Variants in MEGF11 observed in about 807,000 individuals in gnomAD.
The protein encoded by MEGF11 is multiple epidermal growth factor-like domains protein 11.
MEGF11 carries 126 observed loss-of-function variants against 146.6 expected under a neutral mutation model. The ratio of observed to expected loss-of-function variants is 0.86; its 90% CI spans 0.74 to 1.00. The LOEUF (loss-of-function observed/expected upper bound fraction) is 1.00, where lower values mean the gene tolerates loss of function less well. Ranked by LOEUF, MEGF11 falls within the 50% of genes least tolerant of loss-of-function variation. MEGF11 has a pLI of 0.00. For missense variants in MEGF11, 1,509 were observed against 1,521.2 expected, an observed-to-expected ratio of 0.99 and a Z score of 0.13; for synonymous variants, 532 against 583.4, an observed-to-expected ratio of 0.91 and a Z score of 1.27.
At chr15:66,176,334 T>C (rs183390263) in intron 1 of MEGF11, among the ~76,000 whole-genome samples, 259 of 152,064 alleles carry the variant, frequency 1.7e-3, no homozygotes, top group African/African-American at 6.1e-3. Context: ...AGGAAATCAG[T>C]ATGTTGAAGA....
chr15:66,028,023 T>C (rs868134684), intron 5 of MEGF11, among the ~76,000 whole-genome samples: 3 of 152,214 alleles, frequency 2.0e-5, no homozygotes, highest in Admixed American at 6.5e-5. Flanking sequence ...TGCAAGGTGC[T>C]CTGACAACTG....
Position 65,909,040 on chromosome 15 carries a change from A to G in MEGF11, c.2992T>C (p.Ser998Pro). ...GGTAGGGCTGGGGTCTGACCTGGTG[A>G]GTGTGGCTCAGCGGGGCGGCTGAGG... ...RHLSRPAEPHSPGACGMDRRQ... is the reference protein window; with the variant it reads ...RHLSRPAEPHPPGACGMDRRQ... Residue 998 changes from serine (S) to proline (P), a missense_variant, in exon 23 of 26, where the codon TCA (serine) becomes CCA (proline). By Grantham distance (74) the Ser-to-Pro change is moderately conservative. Transcript: ENST00000395614. 1 of 1,534,518 alleles carries G rather than the reference A, an allele frequency of 6.5e-7. No individual in the cohort carries two copies. Among genetic ancestry groups the G allele is most frequent in the Admixed American group, 2.0e-5 (1 of 50,944 alleles).
In MEGF11 at chr15:66,250,505, C is replaced by T. The variant is rs149559742; in HGVS notation, c.-9+3100G>A. Among the ~76,000 whole-genome samples the T allele has an allele frequency of 1.5e-3, 235 of 152,314 alleles. 1 individual carries two copies. Among genetic ancestry groups the T allele is most frequent in the African/African-American group, 5.5e-3 (229 of 41,572 alleles). ...CTGATTCATTGCTGTATCCCAAGGG[C>T]CTAGTCCAGTGCCTGGCACAAAGAA... On this transcript the variant is annotated intron_variant, in intron 1 of 25. Transcript: ENST00000395614.
chr15:66,091,618 G>A (rs540492106), intron 5 of MEGF11, among the ~76,000 whole-genome samples: 5 of 152,164 alleles, frequency 3.3e-5, no homozygotes, highest in South Asian at 2.1e-4. Flanking sequence ...TGTAAAATGG[G>A]GATAAATAAC....
intron 4 of MEGF11, among the ~76,000 whole-genome samples, chr15:66,112,461 C>A (rs2087478421): frequency 6.6e-6 from 1 of 152,028 alleles, no homozygotes; most frequent in South Asian, 2.1e-4. Flanking sequence ...GATAAAGAGA[C>A]TGAAAATGAG....
intron 5 of MEGF11, among the ~76,000 whole-genome samples, chr15:66,044,117 G>C (rs1174305366): frequency 6.6e-6 from 1 of 152,168 alleles, no homozygotes; most frequent in African/African-American, 2.4e-5. Context: ...AGGAAACCTC[G>C]ACCCTTGGGG....
At chr15:66,242,731 C>T (rs778852063) in intron 1 of MEGF11, among the ~76,000 whole-genome samples, 1 of 152,150 alleles carries the variant, frequency 6.6e-6, no homozygotes, top group Non-Finnish European at 1.5e-5. Context: ...CTGTCAACTC[C>T]TTCCTCTTCC....
At position 66,025,389 on chromosome 15, in the gene MEGF11, C is replaced by CAGGGAGG. The variant is rs887123729; in HGVS notation, c.395-42908_395-42902dup. Among the ~76,000 whole-genome samples the CAGGGAGG allele has an allele frequency of 2.0e-5, 3 of 152,084 alleles. No individual in the cohort carries two copies. In the South Asian group the frequency reaches 6.2e-4, roughly 32 times the overall value. On this transcript the variant is annotated intron_variant, in intron 5 of 25. Coordinates refer to ENST00000395614, the MANE Select transcript of MEGF11 (RefSeq NM_001385028.1). ...GCTGGGCCCCTCAGTCAGCCTGAGGCAGGGAGGAGGGAGGAGGGAGAGGGG... is the reference window on the plus strand; with the variant it reads ...GCTGGGCCCCTCAGTCAGCCTGAGGCAGGGAGGAGGGAGGAGGGAGGAGGGAGAGGGG...
chr15:66,158,518 G>A (rs2089844032), intron 1 of MEGF11, among the ~76,000 whole-genome samples: 1 of 152,212 alleles, frequency 6.6e-6, no homozygotes, highest in African/African-American at 2.4e-5. Flanking sequence ...GGCACAGACA[G>A]CCCTGTGCAC....
chr15:65,967,466 C>A (rs1486815242), intron 8 of MEGF11, among the ~76,000 whole-genome samples: 9 of 152,124 alleles, frequency 5.9e-5, no homozygotes, highest in African/African-American at 2.2e-4. Context: ...GCTCTAACTT[C>A]TTTATTATGT....
chr15:66,017,708 C>T lies in MEGF11; in HGVS notation c.395-35220G>A, dbSNP rs925760835. Among the ~76,000 whole-genome samples, 5 of 152,326 alleles carry T rather than the reference C, an allele frequency of 3.3e-5. No homozygotes were observed. In the East Asian group the frequency reaches 9.6e-4, roughly 29 times the overall value. On this transcript the variant is annotated intron_variant, in intron 5 of 25. Transcript: ENST00000395614. ...GGTCTGAGAAGCCGAAGCCCAGAGG[C>T]TATTTGCTGATGTCTTTGCTCCAGG...
At chr15:66,088,808 G>A (rs2086212796) in intron 5 of MEGF11, among the ~76,000 whole-genome samples, 1 of 152,162 alleles carries the variant, frequency 6.6e-6, no homozygotes, top group Admixed American at 6.5e-5. Context: ...GAGACAGAAA[G>A]CAGATTGTTG....
chr15:66,122,876 G>A (rs982353090), intron 3 of MEGF11, among the ~76,000 whole-genome samples: 5 of 151,968 alleles, frequency 3.3e-5, no homozygotes, highest in African/African-American at 1.2e-4. Flanking sequence ...CCTGAATGGC[G>A]GAGTTCATGC....
intron 4 of MEGF11, among the ~76,000 whole-genome samples, chr15:66,101,263 C>T (rs1239312406): frequency 2.0e-5 from 3 of 152,124 alleles, no homozygotes; most frequent in African/African-American, 7.2e-5. Context: ...ACTTCTCCAG[C>T]CTGCCGCTCC....
In MEGF11 at chr15:66,224,516, G is replaced by A. The variant is rs181338262; in HGVS notation, c.-9+29089C>T. Among the ~76,000 whole-genome samples the A allele has an allele frequency of 8.0e-3, 1,207 of 151,330 alleles. 19 individuals carry two copies. The highest frequency in any genetic ancestry group is 0.028 in the African/African-American group (1,152 of 41,234). On this transcript the variant is annotated intron_variant, in intron 1 of 25. Transcript: ENST00000395614. ...AGAGAATCACTTGAACCCGGGAGGC[G>A]GAGTTTGCAGTGAGCCAAGATGGCG...
At chr15:65,919,937 A>G (rs968503104) in intron 15 of MEGF11, among the ~76,000 whole-genome samples, 1 of 152,214 alleles carries the variant, frequency 6.6e-6, no homozygotes, top group East Asian at 1.9e-4. Context: ...AAACAAAACA[A>G]AAAACAACAA....
rs74021614 is a variant in MEGF11, at chr15:66,114,905, C to T, written c.301+4181G>A. On this transcript the variant is annotated intron_variant, in intron 4 of 25. Coordinates refer to ENST00000395614, the MANE Select transcript of MEGF11 (RefSeq NM_001385028.1). ...AGTGCCCCCCTGCATCTGTATTGAG[C>T]TCTGTGTTTTCCAGGACACTCTGGG... is the stretch of plus-strand genomic sequence containing the variant. Among the ~76,000 whole-genome samples the T allele has an allele frequency of 8.2e-3, 1,255 of 152,326 alleles. 15 individuals are homozygous for T. The highest frequency in any genetic ancestry group is 0.029 in the African/African-American group (1,214 of 41,568).
intron 5 of MEGF11, among the ~76,000 whole-genome samples, chr15:66,039,672 C>A (rs2083872424): frequency 6.6e-6 from 1 of 152,184 alleles, no homozygotes; most frequent in African/African-American, 2.4e-5. Context: ...CGGACTACAT[C>A]CTCTAGGAAG....
intron 5 of MEGF11, among the ~76,000 whole-genome samples, chr15:66,056,400 T>A (rs764118967): frequency 6.6e-5 from 10 of 152,122 alleles, no homozygotes; most frequent in Non-Finnish European, 1.5e-4. Flanking sequence ...ATAAACAAGA[T>A]AATGTAGATA....
Sources: allele counts gnomAD v4.1 joint callset (sites outside exome capture counted in the v4.1 genomes callset), GRCh38; gene constraint gnomAD v4.1.1; transcripts MANE v1.5; gene names NCBI Gene and HGNC (gene_info 2026-07-23, HGNC 2026-07-21).